Variants in FSTL5 observed in about 807,000 individuals in gnomAD.
FSTL5 encodes follistatin-related protein 5.
FSTL5 carries 62 observed loss-of-function variants against 89.1 expected under a neutral mutation model. The ratio of observed to expected loss-of-function variants is 0.70; its 90% CI spans 0.57 to 0.86. FSTL5 has a LOEUF of 0.86. Ranked by LOEUF, FSTL5 falls within the 40% of genes least tolerant of loss-of-function variation. FSTL5 has a pLI of 0.00. For missense variants in FSTL5, 1,057 were observed against 1,001.6 expected (o/e 1.06, Z -0.75); for synonymous variants, 383 against 346.2 (o/e 1.11, Z -1.18).
chr4:161,617,729 T>G (rs766950098), intron 7 of FSTL5, among the ~76,000 whole-genome samples: 4 of 152,200 alleles, frequency 2.6e-5, no homozygotes, highest in Non-Finnish European at 5.9e-5. Flanking sequence ...AAATGACATC[T>G]TTAACTCATT....
chr4:161,662,928 G>A (rs1340694492), intron 6 of FSTL5, among the ~76,000 whole-genome samples: 1 of 152,066 alleles, frequency 6.6e-6, no homozygotes, highest in East Asian at 1.9e-4. Context: ...GCAGAATCAC[G>A]GCAGGAGGTG....
At chr4:161,839,809 C>T (rs1315741667) in intron 4 of FSTL5, among the ~76,000 whole-genome samples, 1 of 152,068 alleles carries the variant, frequency 6.6e-6, no homozygotes, top group Non-Finnish European at 1.5e-5. Flanking sequence ...TATGCATTTG[C>T]TAAAATTCAA....
At chr4:161,733,524 T>C (rs1027940252) in intron 6 of FSTL5, among the ~76,000 whole-genome samples, 2 of 152,022 alleles carry the variant, frequency 1.3e-5, no homozygotes, top group Admixed American at 6.6e-5. Context: ...TTTTGTACTG[T>C]AGAACTTTTT....
At chr4:162,153,081 A>G (rs1014236331) in intron 1 of FSTL5, among the ~76,000 whole-genome samples, 1 of 152,160 alleles carries the variant, frequency 6.6e-6, no homozygotes, top group African/African-American at 2.4e-5. Context: ...TATCCCATCA[A>G]TACTTGATAA....
chr4:161,807,042 G>A (rs955920054), intron 4 of FSTL5, among the ~76,000 whole-genome samples: 7 of 152,120 alleles, frequency 4.6e-5, no homozygotes, highest in Non-Finnish European at 1.0e-4. Flanking sequence ...AGAAAGGGGT[G>A]TGAGCTACAG....
At chr4:161,598,269 G>A (rs146525026) in intron 7 of FSTL5, among the ~76,000 whole-genome samples, 1,733 of 152,112 alleles carry the variant, frequency 0.011, 38 homozygotes, top group African/African-American at 0.04. Context: ...CAGCTACTTG[G>A]GAGGCTGAGA....
chr4:161,989,034 T>C (rs946234506), intron 3 of FSTL5, among the ~76,000 whole-genome samples: 16 of 152,182 alleles, frequency 1.1e-4, no homozygotes, highest in Non-Finnish European at 2.4e-4. Flanking sequence ...GTGACCTTCA[T>C]GTCCCCTATG....
chr4:161,453,677 C>T (rs970938605), intron 15 of FSTL5, among the ~76,000 whole-genome samples: 2 of 152,120 alleles, frequency 1.3e-5, no homozygotes, highest in African/African-American at 4.8e-5. Context: ...TCACTGCAAC[C>T]TCCACCTCTC....
At chr4:161,427,011 C>G (rs1320020850) in intron 15 of FSTL5, among the ~76,000 whole-genome samples, 1 of 151,814 alleles carries the variant, frequency 6.6e-6, no homozygotes, top group Non-Finnish European at 1.5e-5. Flanking sequence ...ATATAGAAAA[C>G]CAAGTGTTAC....
At chr4:161,811,113 CTAAA>C (rs756084864) in intron 4 of FSTL5, among the ~76,000 whole-genome samples, 64 of 151,910 alleles carry the variant, frequency 4.2e-4, no homozygotes, top group Non-Finnish European at 7.1e-4. Flanking sequence ...AACAAACTGA[CTAAA>C]TAAAGAGAGG....
rs138403391 is a variant in FSTL5, at chr4:161,665,164, G to C, written c.728-8670C>G. 6.0e-3 allele frequency among the ~76,000 whole-genome samples: 920 copies of C among 152,238 alleles called. 9 individuals carry two copies. The highest frequency in any genetic ancestry group is 0.046 in the South Asian group (220 of 4,820). On this transcript the variant is annotated intron_variant, in intron 6 of 15. Coordinates refer to ENST00000306100, the MANE Select transcript of FSTL5 (RefSeq NM_020116.5). ...CAATGTAACAAACCTGCACATATAC[G>C]CCTGAACCTAAAGTAAAAGTTTTGT...
intron 2 of FSTL5, among the ~76,000 whole-genome samples, chr4:162,086,989 C>T (rs1406015554): frequency 6.6e-6 from 1 of 151,900 alleles, no homozygotes; most frequent in Non-Finnish European, 1.5e-5. Context: ...TGATGATAAA[C>T]ATTTTGTTTT....
chr4:161,958,073 C>T (rs1735072806), intron 3 of FSTL5, among the ~76,000 whole-genome samples: 1 of 151,932 alleles, frequency 6.6e-6, no homozygotes, highest in African/African-American at 2.4e-5. Flanking sequence ...ATTAGCATGT[C>T]TTCAATGTTA....
At position 161,793,603 on chromosome 4, in the gene FSTL5, C is replaced by T. The variant is rs965970881; in HGVS notation, c.410-17529G>A. ...TCAAATAAGGTTGCTTTTGGGGAAA[C>T]CATGTTGTCATTTTTTTTTTTCTGA... On this transcript the variant is annotated intron_variant, in intron 4 of 15. Coordinates refer to ENST00000306100, the MANE Select transcript of FSTL5 (RefSeq NM_020116.5). Among the ~76,000 whole-genome samples the T allele has an allele frequency of 1.9e-4, 16 of 85,174 alleles. No homozygotes were observed. The East Asian group carries it at 5.7e-3, about 31-fold the overall frequency. The allele number at this position is 85,174 out of a possible 152,430, so 55.9% of individuals were successfully genotyped here.
chr4:161,695,680 G>A (rs1022609682), intron 6 of FSTL5, among the ~76,000 whole-genome samples: 1 of 151,928 alleles, frequency 6.6e-6, no homozygotes, highest in Admixed American at 6.6e-5. Context: ...GTATTGCATG[G>A]TAGTTTTGAT....
intron 7 of FSTL5, among the ~76,000 whole-genome samples, chr4:161,592,804 G>T (rs1264774615): frequency 1.3e-5 from 2 of 152,048 alleles, no homozygotes; most frequent in Non-Finnish European, 2.9e-5. Flanking sequence ...GGGATTGCTG[G>T]GTCAGATGGT....
At chr4:161,760,540 A>G (rs1040441335) in intron 5 of FSTL5, among the ~76,000 whole-genome samples, 3 of 152,166 alleles carry the variant, frequency 2.0e-5, no homozygotes, top group African/African-American at 7.2e-5. Flanking sequence ...ACTTTCCTCA[A>G]TTAGAAAATG....
intron 1 of FSTL5, among the ~76,000 whole-genome samples, chr4:162,133,415 G>C (rs1732400149): frequency 6.6e-6 from 1 of 152,110 alleles, no homozygotes; most frequent in South Asian, 2.1e-4. Context: ...TGTTTTTACA[G>C]CACACCAGGT....
At chr4:161,496,895 AACAG>A (rs1343900643) in intron 12 of FSTL5, among the ~76,000 whole-genome samples, 2 of 152,084 alleles carry the variant, frequency 1.3e-5, no homozygotes, top group African/African-American at 4.8e-5. Flanking sequence ...GCAGTAGAGG[AACAG>A]ACAGAGATAG....
Sources: allele counts gnomAD v4.1 joint callset (sites outside exome capture counted in the v4.1 genomes callset), GRCh38; gene constraint gnomAD v4.1.1; transcripts MANE v1.5; gene names NCBI Gene and HGNC (gene_info 2026-07-23, HGNC 2026-07-21).